Variants in TRRAP observed in about 807,000 individuals in gnomAD.
TRRAP encodes transformation/transcription domain associated protein.
Under a neutral mutation model 438.8 loss-of-function variants are expected in TRRAP, and 41 were observed. That is an observed-to-expected ratio of 0.09 (90% CI 0.07 to 0.12). The LOEUF is 0.12. Ranked by LOEUF, TRRAP falls within the 10% of genes least tolerant of loss-of-function variation. The pLI, the probability that TRRAP is intolerant of heterozygous loss-of-function variation, is 1.00. For synonymous variants in TRRAP, 1,994 were observed against 1,962.9 expected, an observed-to-expected ratio of 1.02 and a Z score of -0.42; for missense variants, 3,122 against 5,055.1, an observed-to-expected ratio of 0.62 and a Z score of 11.60.
intron 53 of TRRAP, among the ~76,000 whole-genome samples, chr7:98,972,962 G>A (rs912536537): frequency 2.6e-5 from 4 of 152,044 alleles, no homozygotes. Flanking sequence ...CATGTTATGG[G>A]CCAGGCACTT....
chr7:98,956,388 G>A lies in TRRAP; in HGVS notation c.6097-11G>A, dbSNP rs782069987. ...TCAGTCAGTAAAACCAAGCGCCTGT[G>A]TGTTTTTAAGCCGGATTCAGATATG... is the stretch of plus-strand genomic sequence containing the variant. On this transcript the variant is annotated splice_polypyrimidine_tract_variant and intron_variant, in intron 42 of 72. Coordinates refer to ENST00000456197, the MANE Select transcript of TRRAP (RefSeq NM_001375524.1). This position sits in a 1 kb window ranked among gnomAD's most constrained non-coding sequence, Gnocchi z 4.5. The A allele has an allele frequency of 6.2e-7, 1 of 1,613,768 alleles. No homozygotes were observed. Among genetic ancestry groups the A allele is most frequent in the Non-Finnish European group, 8.5e-7 (1 of 1,179,896 alleles).
chr7:98,949,760 A>G lies in TRRAP; in HGVS notation c.5054A>G (p.Glu1685Gly), dbSNP rs1791246743. 2 of 1,613,886 alleles carry G rather than the reference A, an allele frequency of 1.2e-6. No homozygotes were observed. The highest frequency in any genetic ancestry group is 1.7e-6 in the Non-Finnish European group (2 of 1,180,032). Residue 1685 changes from glutamate to glycine, a missense_variant, in exon 37 of 73, where the codon GAG becomes GGG. Around this residue, in one of 24 missense-constraint regions of TRRAP, gnomAD observed 272 missense variants for 348.5 expected, o/e 0.78. Coordinates refer to ENST00000456197, the MANE Select transcript of TRRAP (RefSeq NM_001375524.1). ...GTGTGGGTGAGTGAGAACTTCCAAG[A>G]GAGGCACCGCAAGGAGAACATGGCA... is the stretch of plus-strand genomic sequence containing the variant. ...RRVWVSENFQ[E>G]RHRKENMAAT... is the part of the protein sequence containing the mutation.
intron 70 of TRRAP, among the ~76,000 whole-genome samples, chr7:99,009,581 A>G (rs575783100): frequency 1.3e-5 from 2 of 152,346 alleles, no homozygotes; most frequent in East Asian, 3.9e-4. Context: ...GGCACAGGCC[A>G]TGGCCTGGTC....
intron 3 of TRRAP, among the ~76,000 whole-genome samples, chr7:98,884,563 T>A (rs1554403675): frequency 6.6e-6 from 1 of 152,104 alleles, no homozygotes; most frequent in Admixed American, 6.5e-5. Context: ...GCAGGTACAT[T>A]GTGGTGAGCT....
Position 98,952,386 on chromosome 7 carries a change from A to G in TRRAP, c.5464-781A>G, listed in dbSNP as rs182163768. Among the ~76,000 whole-genome samples, 658 of 152,328 alleles carry G rather than the reference A, an allele frequency of 4.3e-3. 3 individuals carry two copies. Among genetic ancestry groups the G allele is most frequent in the African/African-American group, 0.015 (620 of 41,566 alleles). On this transcript the variant is annotated intron_variant, in intron 39 of 72. Transcript: ENST00000456197. ...AGGAGTAGACAAAAGTTGACCAGGA[A>G]AAAACATCTCAACTACTTGGAAATT...
intron 46 of TRRAP, 125 bp downstream of exon 46, chr7:98,961,599 C>T (rs887404819): frequency 6.9e-5 from 82 of 1,195,606 alleles, no homozygotes; most frequent in Non-Finnish European, 8.8e-5. Context: ...TTTCTACTTG[C>T]AAACTTTCTT....
chr7:98,993,201 A>G (rs1793505481), intron 65 of TRRAP, among the ~76,000 whole-genome samples: 1 of 152,238 alleles, frequency 6.6e-6, no homozygotes, highest in Non-Finnish European at 1.5e-5. Context: ...CAGAAACGTT[A>G]AAAGGAGTTC....
intron 29 of TRRAP, 100 bp downstream of exon 29, chr7:98,937,377 T>C: frequency 8.2e-6 from 12 of 1,469,176 alleles, no homozygotes; most frequent in South Asian, 7.0e-5. Flanking sequence ...ATATAAACAG[T>C]GTATGCCTAA....
intron 67 of TRRAP, chr7:98,999,373 C>T: frequency 1.4e-6 from 2 of 1,382,438 alleles, no homozygotes; most frequent in Non-Finnish European, 1.0e-6. Flanking sequence ...TCCTGCACAG[C>T]TCTCTCATCC....
At chr7:98,896,262 C>T (rs1796199343) in intron 7 of TRRAP, among the ~76,000 whole-genome samples, 1 of 151,778 alleles carries the variant, frequency 6.6e-6, no homozygotes, top group South Asian at 2.1e-4. Flanking sequence ...ATTAAGAACT[C>T]TTTATAAGCA....
chr7:98,930,921 C>A, intron 25 of TRRAP, 91 bp downstream of exon 25: 1 of 1,483,624 alleles, frequency 6.7e-7, no homozygotes, highest in Non-Finnish European at 9.2e-7. Flanking sequence ...CAAATATGCT[C>A]TCCTAGCAGC....
rs533457129 is a variant in TRRAP, at chr7:99,005,482, A to G, written c.10753+134A>G. The G allele has an allele frequency of 3.6e-6, 3 of 834,870 alleles. No homozygotes were observed. Among genetic ancestry groups the G allele is most frequent in the African/African-American group, 3.4e-5 (2 of 59,358 alleles). The allele number at this position is 834,870 out of a possible 1,614,324, so 51.7% of individuals were successfully genotyped here. A position where few individuals can be genotyped will look rare whatever the true frequency, so the allele number is the denominator to read the frequency against. Reference sequence around the variant, plus strand: ...CAGCTGCGTCAGCAGAGAATGTTGTAGTCTGTGCTGACCAGGGAAGGCCTC... The same window carrying G: ...CAGCTGCGTCAGCAGAGAATGTTGTGGTCTGTGCTGACCAGGGAAGGCCTC... On this transcript the variant is annotated intron_variant, in intron 69 of 72. Coordinates refer to ENST00000456197, the MANE Select transcript of TRRAP (RefSeq NM_001375524.1). The surrounding 1 kb of genome is among the most constrained non-coding windows in gnomAD (Gnocchi z 5.1).
At chr7:98,970,391 G>A (rs186724342) in intron 52 of TRRAP, 100 bp downstream of exon 52, 41 of 1,415,626 alleles carry the variant, frequency 2.9e-5, no homozygotes, top group African/African-American at 4.3e-5. Flanking sequence ...CGTGCCCCAC[G>A]GGCAGAATCC....
chr7:98,917,326 T>A (rs1172030889), intron 19 of TRRAP, 97 bp from the exon 20 acceptor site: 1 of 1,499,754 alleles, frequency 6.7e-7, no homozygotes, highest in Non-Finnish European at 9.1e-7. Context: ...TGTGCTGATG[T>A]GCACAAGAGA....
chr7:98,970,426 C>A, intron 52 of TRRAP, 135 bp downstream of exon 52: 1 of 1,145,536 alleles, frequency 8.7e-7, no homozygotes, highest in South Asian at 1.6e-5. Context: ...GGCCCCGCGC[C>A]CCACGGGCAG....
chr7:98,922,173 G>A (rs572077283), intron 21 of TRRAP, among the ~76,000 whole-genome samples: 2 of 152,176 alleles, frequency 1.3e-5, no homozygotes, highest in East Asian at 3.9e-4. Context: ...CCCCTCTCCT[G>A]GTGACCAAGA....
intron 39 of TRRAP, 83 bp downstream of exon 39, chr7:98,951,087 G>GTGTGTA (rs1791316637): frequency 1.5e-6 from 2 of 1,322,964 alleles, no homozygotes; most frequent in Admixed American, 5.8e-5. Flanking sequence ...GTGTGTGTGT[G>GTGTGTA]TGTGTGTTAA....
chr7:98,989,801 A>G (rs922607594), intron 63 of TRRAP, among the ~76,000 whole-genome samples: 4 of 152,192 alleles, frequency 2.6e-5, no homozygotes, highest in African/African-American at 9.6e-5. Context: ...GCAAAAGTTC[A>G]TTTTGTTTGG....
At position 98,978,248 on chromosome 7, in the gene TRRAP, A is replaced by G; in HGVS notation, c.8423A>G (p.Lys2808Arg). 1 of 1,614,178 alleles carries G rather than the reference A, an allele frequency of 6.2e-7. No homozygotes were observed. Residue 2808 changes from lysine (K) to arginine (R), a missense_variant, in exon 57 of 73, where the codon AAA (lysine) becomes AGA (arginine). By Grantham distance (26) the Lys-to-Arg change is conservative (BLOSUM62 2). This residue lies in a region of TRRAP where 992 missense variants were observed against 1,281.2 expected (regional missense o/e 0.77). Coordinates refer to ENST00000456197, the MANE Select transcript of TRRAP (RefSeq NM_001375524.1). ...TATGAAAAGGCAATGGATAAAGCCA[A>G]AAAAGAACATGAGAGGAGTAACGCC... Reference protein sequence around the residue: ...ESYEKAMDKAKKEHERSNASP... With the variant: ...ESYEKAMDKARKEHERSNASP...
Sources: allele counts gnomAD v4.1 joint callset (sites outside exome capture counted in the v4.1 genomes callset), GRCh38; gene constraint gnomAD v4.1.1; regional missense constraint gnomAD v4.1.1; non-coding constraint Gnocchi (gnomAD v3.1); transcripts MANE v1.5; gene names NCBI Gene and HGNC (gene_info 2026-07-23, HGNC 2026-07-21).